Variants in APOBEC3F observed in about 807,000 individuals in gnomAD.
The protein encoded by APOBEC3F is DNA dC->dU-editing enzyme APOBEC-3F.
APOBEC3F carries 34 observed loss-of-function variants against 45.8 expected under a neutral mutation model. That is an observed-to-expected ratio of 0.74 (90% CI 0.57 to 0.99). The LOEUF (loss-of-function observed/expected upper bound fraction) is 0.99, where lower values mean the gene tolerates loss of function less well. Ranked by LOEUF, APOBEC3F falls within the 50% of genes least tolerant of loss-of-function variation. The pLI is 0.00. For synonymous variants in APOBEC3F, 192 were observed against 174.4 expected (o/e 1.10, Z -0.80); for missense variants, 459 against 474.1 (o/e 0.97, Z 0.30).
At position 39,044,966 on chromosome 22, in the gene APOBEC3F, C is replaced by G. The variant is rs1159151649; in HGVS notation, c.197C>G (p.Ala66Gly). Reference protein sequence around the residue: ...GQVYSQPEHHAEMCFLSWFCG... With the variant: ...GQVYSQPEHHGEMCFLSWFCG... ...GTGTATTCCCAGCCTGAGCACCACG[C>G]AGAAATGTGCTTCCTCTCTTGGTTC... is the stretch of plus-strand genomic sequence containing the variant. Residue 66 changes from alanine to glycine, a missense_variant, in exon 3 of 7, where the codon GCA becomes GGA. Physicochemically the swap from Ala to Gly is moderately conservative, Grantham distance 60 (BLOSUM62 0). Transcript: ENST00000308521. 2 of 1,613,882 alleles carry G rather than the reference C, an allele frequency of 1.2e-6. No individual in the cohort carries two copies. Among genetic ancestry groups the G allele is most frequent in the Non-Finnish European group, 1.7e-6 (2 of 1,180,000 alleles).
Position 39,052,465 on chromosome 22 carries a change from C to T in APOBEC3F, c.1003+112C>T, listed in dbSNP as rs1346750887. ...TGTCCCGGGAAGCCTGCAGGGATGGCGCCAGTGTCCACTGCAACTGGCAGT... is the reference window on the plus strand; with the variant it reads ...TGTCCCGGGAAGCCTGCAGGGATGGTGCCAGTGTCCACTGCAACTGGCAGT... On this transcript the variant is annotated intron_variant, in intron 6 of 6. Coordinates refer to ENST00000308521, the MANE Select transcript of APOBEC3F (RefSeq NM_145298.6). 1.9e-5 allele frequency: 30 copies of T among 1,570,694 alleles called. No homozygotes were observed. The Admixed American group carries it at 2.7e-4, about 14-fold the overall frequency.
intron 5 of APOBEC3F, 72 bp downstream of exon 5, chr22:39,049,653 ACGTGC>A: frequency 1.3e-6 from 2 of 1,546,962 alleles, no homozygotes; most frequent in South Asian, 2.3e-5. Flanking sequence ...ACAATAAGTG[ACGTGC>A]CTGGCGTGGG....
At position 39,055,807 on chromosome 22, in the gene APOBEC3F, C is replaced by A. The variant is rs928275041; in HGVS notation, c.*3112C>A. 6.6e-6 allele frequency among the ~76,000 whole-genome samples: 1 copy of A among 152,028 alleles called. No homozygotes were observed. The highest frequency in any genetic ancestry group is 1.5e-5 in the Non-Finnish European group (1 of 68,032). ...GCCCCCACCACTGATGCATGTAGCC[C>A]CCCAGTCACGTAGCCCACGCTTGCA... On this transcript the variant is annotated 3_prime_UTR_variant, in exon 7 of 7. Coordinates refer to ENST00000308521, the MANE Select transcript of APOBEC3F (RefSeq NM_145298.6).
chr22:39,041,600 A>G (rs1283644964), intron 1 of APOBEC3F, among the ~76,000 whole-genome samples: 2 of 152,096 alleles, frequency 1.3e-5, no homozygotes, highest in African/African-American at 4.8e-5. Flanking sequence ...GCGGTGGCTC[A>G]CACCTGTCAT....
chr22:39,042,967 A>G lies in APOBEC3F; in HGVS notation c.48A>G (p.Thr16=). 3.1e-6 allele frequency: 5 copies of G among 1,614,106 alleles called. No homozygotes were observed. The highest frequency in any genetic ancestry group is 4.2e-6 in the Non-Finnish European group (5 of 1,179,988). Residue 16 remains threonine, a synonymous_variant, in exon 2 of 7, where the codon ACA becomes ACG. Coordinates refer to ENST00000308521, the MANE Select transcript of APOBEC3F (RefSeq NM_145298.6). ...RNTVERMYRD[T]FSYNFYNRPI... ...CAGTGGAGCGAATGTATCGAGACACATTCTCCTACAACTTTTATAATAGAC... is the reference window on the plus strand; with the variant it reads ...CAGTGGAGCGAATGTATCGAGACACGTTCTCCTACAACTTTTATAATAGAC...
rs559239468 is a variant in APOBEC3F at position 39,055,486 on chromosome 22, A to G, written c.*2791A>G. ...TGGGTTCAAGCAATTCTCCCACCTCAGCCTCCTGAGTAGCTGGGATTACAG... is the reference window on the plus strand; with the variant it reads ...TGGGTTCAAGCAATTCTCCCACCTCGGCCTCCTGAGTAGCTGGGATTACAG... On this transcript the variant is annotated 3_prime_UTR_variant, in exon 7 of 7. Transcript: ENST00000308521. Among the ~76,000 whole-genome samples, 78 of 152,024 alleles carry G rather than the reference A, an allele frequency of 5.1e-4. 1 individual carries two copies. The highest frequency in any genetic ancestry group is 1.8e-3 in the African/African-American group (74 of 41,428).
intron 5 of APOBEC3F, among the ~76,000 whole-genome samples, chr22:39,051,320 G>A (rs144437801): frequency 1.3e-5 from 2 of 151,862 alleles, no homozygotes; most frequent in East Asian, 1.9e-4. Flanking sequence ...GGGGGATCAC[G>A]AGGTCAGGAG....
rs768353982 is a variant in APOBEC3F at position 39,045,072 on chromosome 22, G to A, written c.303G>A (p.Ala101=). 15 of 1,613,888 alleles carry A rather than the reference G, an allele frequency of 9.3e-6. No homozygotes were observed. In the Middle Eastern group the frequency reaches 9.9e-4, roughly 107 times the overall value. The change falls in exon 3 of 7, where the codon GCG becomes GCA. Residue 101 remains alanine, a synonymous_variant. Transcript: ENST00000308521. ...VSWTPCPDCV[A]KLAEFLAEHP... is the part of the protein sequence containing the mutation. Reference sequence around the variant, plus strand: ...GGACCCCCTGCCCGGACTGTGTGGCGAAGCTGGCCGAATTCCTGGCTGAGC... The same window carrying A: ...GGACCCCCTGCCCGGACTGTGTGGCAAAGCTGGCCGAATTCCTGGCTGAGC...
intron 5 of APOBEC3F, among the ~76,000 whole-genome samples, chr22:39,051,763 G>A (rs139926967): frequency 2.9e-4 from 44 of 151,750 alleles, no homozygotes; most frequent in South Asian, 6.2e-4. Flanking sequence ...ATCAGCCTGA[G>A]CAACATGGTG....
chr22:39,048,403 A>G (rs1927322785), intron 4 of APOBEC3F, among the ~76,000 whole-genome samples: 1 of 152,246 alleles, frequency 6.6e-6, no homozygotes, highest in Non-Finnish European at 1.5e-5. Context: ...GGCCGGGCAC[A>G]GTGACTCACG....
intron 4 of APOBEC3F, among the ~76,000 whole-genome samples, chr22:39,046,900 G>A (rs1249770102): frequency 6.6e-6 from 1 of 152,124 alleles, no homozygotes. Context: ...TCTCCAGGAA[G>A]CACAATAGAA....
Position 39,052,263 on chromosome 22 carries a change from C to A in APOBEC3F, c.913C>A (p.Arg305Ser). 1 of 1,614,228 alleles carries A rather than the reference C, an allele frequency of 6.2e-7. No homozygotes were observed. Among genetic ancestry groups the A allele is most frequent in the Non-Finnish European group, 8.5e-7 (1 of 1,180,050 alleles). Residue 305 changes from arginine to serine, a missense_variant, in exon 6 of 7, where the codon CGC becomes AGC. Transcript: ENST00000308521. ...SNVNLTIFTA[R>S]LYYFWDTDYQ... is the part of the protein sequence containing the mutation. The stretch of plus-strand genomic sequence containing the variant: ...CGTGAATCTCACCATCTTCACCGCC[C>A]GCCTCTACTACTTCTGGGATACAGA...
In APOBEC3F at chr22:39,045,549, G is replaced by T. The variant is rs777767198; in HGVS notation, c.566+7G>T. 6.2e-7 allele frequency: 1 copy of T among 1,614,026 alleles called. No homozygotes were observed. On this transcript the variant is annotated splice_region_variant and intron_variant, in intron 4 of 6. Coordinates refer to ENST00000308521, the MANE Select transcript of APOBEC3F (RefSeq NM_145298.6). ...CGCTAAAGGAGATTCTCAGGTGAGG[G>T]TCTCCCTCTGGCCTCATCGTCTGTC...
Position 39,055,193 on chromosome 22 carries a change from C to T in APOBEC3F, c.*2498C>T, listed in dbSNP as rs1927652039. 6.6e-6 allele frequency among the ~76,000 whole-genome samples: 1 copy of T among 152,048 alleles called. No individual in the cohort carries two copies. The highest frequency in any genetic ancestry group is 2.4e-5 in the African/African-American group (1 of 41,360). ...GTTCAAGCGATTCTCGTGCCTCAGC[C>T]TCCTGAGTAGCTGGGACTACAGGCG... On this transcript the variant is annotated 3_prime_UTR_variant, in exon 7 of 7. Transcript: ENST00000308521.
rs2146353866 is a variant in APOBEC3F, at chr22:39,054,872, G to A, written c.*2177G>A. Among the ~76,000 whole-genome samples the A allele has an allele frequency of 6.6e-6, 1 of 152,242 alleles. No homozygotes were observed. Among genetic ancestry groups the A allele is most frequent in the South Asian group, 2.1e-4 (1 of 4,818 alleles). ...CCACAGAAGATGCCCTGGGCCAGGT[G>A]CCCACATGAATAATGCGGGCCACAG... is the stretch of plus-strand genomic sequence containing the variant. On this transcript the variant is annotated 3_prime_UTR_variant, in exon 7 of 7. Coordinates refer to ENST00000308521, the MANE Select transcript of APOBEC3F (RefSeq NM_145298.6).
At chr22:39,044,036 C>CA (rs1219008638) in intron 2 of APOBEC3F, 2 of 1,493,390 alleles carry the variant, frequency 1.3e-6, no homozygotes, top group Non-Finnish European at 1.8e-6. Flanking sequence ...AAAACAAAAA[C>CA]AAAAAACAAA....
intron 4 of APOBEC3F, among the ~76,000 whole-genome samples, chr22:39,047,595 GC>G (rs2146346148): frequency 6.7e-6 from 1 of 149,244 alleles, no homozygotes; most frequent in Admixed American, 6.7e-5. Flanking sequence ...GCCTCCCCCT[GC>G]CCCTGCCCCA....
chr22:39,041,177 G>T (rs1417440104), intron 1 of APOBEC3F, among the ~76,000 whole-genome samples, 200 bp downstream of exon 1: 7 of 151,220 alleles, frequency 4.6e-5, no homozygotes, highest in Non-Finnish European at 1.0e-4. Context: ...TGAATAGGCC[G>T]CTTCCCCACC....
In APOBEC3F at chr22:39,045,454, G is replaced by A. The variant is rs1927167388; in HGVS notation, c.478G>A (p.Val160Met). ...EEFAYCWENF[V>M]YSEGQPFMPW... ...ATTTGCATACTGCTGGGAAAACTTTGTGTACAGTGAAGGTCAGCCATTCAT... is the reference window on the plus strand; with the variant it reads ...ATTTGCATACTGCTGGGAAAACTTTATGTACAGTGAAGGTCAGCCATTCAT... Residue 160 changes from valine to methionine, a missense_variant, in exon 4 of 7, where the codon GTG becomes ATG. Coordinates refer to ENST00000308521, the MANE Select transcript of APOBEC3F (RefSeq NM_145298.6). The A allele has an allele frequency of 1.9e-6, 3 of 1,614,122 alleles. No homozygotes were observed. The highest frequency in any genetic ancestry group is 2.5e-6 in the Non-Finnish European group (3 of 1,180,018).
Sources: gnomAD v4.1 joint callset for allele counts (sites outside exome capture counted in the v4.1 genomes callset) on GRCh38, gnomAD v4.1.1 for gene constraint, MANE v1.5 for transcripts, NCBI Gene and HGNC (gene_info 2026-07-23, HGNC 2026-07-21) for gene names.